The following PPP1R14A variants were observed in gnomAD, a reference collection of about 807,000 sequenced individuals.
The protein encoded by PPP1R14A is protein phosphatase 1 regulatory inhibitor subunit 14A.
In PPP1R14A, 9 loss-of-function variants were observed where a neutral mutation model predicts 14.1. The observed-to-expected ratio is 0.64, with a 90% CI of 0.38 to 1.11. The LOEUF (loss-of-function observed/expected upper bound fraction) is 1.11. Ranked by LOEUF, PPP1R14A falls within the 50% of genes most tolerant of loss-of-function variation. The pLI, the probability that PPP1R14A is intolerant of heterozygous loss-of-function variation, is 0.01. For missense variants in PPP1R14A, 208 were observed against 200.7 expected (o/e 1.04, Z -0.22); for synonymous variants, 93 against 88.7 (o/e 1.05, Z -0.27).
intron 1 of PPP1R14A, chr19:38,253,272 A>G (rs557129170): frequency 3.7e-4 from 130 of 353,384 alleles, no homozygotes; most frequent in Non-Finnish European, 5.0e-4. Context: ...CACAGAGGAA[A>G]ACAGGCCTAG....
In PPP1R14A at chr19:38,256,365, C is replaced by A; in HGVS notation, c.-26G>T. The A allele has an allele frequency of 7.2e-7, 1 of 1,396,500 alleles. No homozygotes were observed. The highest frequency in any genetic ancestry group is 9.2e-7 in the Non-Finnish European group (1 of 1,082,680). The allele number at this position is 1,396,500 out of a possible 1,614,324, so 86.5% of individuals were successfully genotyped here. On this transcript the variant is annotated 5_prime_UTR_variant, in exon 1 of 4. Coordinates refer to ENST00000301242, the MANE Select transcript of PPP1R14A (RefSeq NM_033256.3). This position sits in a 1 kb window ranked among gnomAD's most constrained non-coding sequence, Gnocchi z 5.7. ...CGCGCTGCTGGACCCAGCCTGGCCC[C>A]GCGCTGTGCGCCTTCGCCTCGCGCC... is the stretch of plus-strand genomic sequence containing the variant.
chr19:38,251,871 T>C, intron 3 of PPP1R14A: 1 of 322,444 alleles, frequency 3.1e-6, no homozygotes, highest in Non-Finnish European at 5.7e-6. Flanking sequence ...TGGAGAAACA[T>C]GAATAGTTTT....
chr19:38,253,076 C>T (rs952522392), intron 1 of PPP1R14A, 102 bp from the exon 2 acceptor site: 16 of 888,444 alleles, frequency 1.8e-5, no homozygotes, highest in African/African-American at 3.3e-5. Flanking sequence ...GCCCAGCTGG[C>T]GGGTTCTGGA....
chr19:38,253,007 C>T, intron 1 of PPP1R14A, 33 bp from the exon 2 acceptor site: 1 of 1,525,194 alleles, frequency 6.6e-7, no homozygotes, highest in Non-Finnish European at 9.1e-7. Context: ...GCTTAGGATC[C>T]CCTTCCCTCC....
intron 1 of PPP1R14A, among the ~76,000 whole-genome samples, chr19:38,255,031 G>C (rs1968231294): frequency 6.6e-6 from 1 of 151,600 alleles, no homozygotes; most frequent in Admixed American, 6.6e-5. Context: ...TGATCCGCCC[G>C]CCTCGGCCTC....
chr19:38,252,202 G>A lies in PPP1R14A; in HGVS notation c.315+104C>T. On this transcript the variant is annotated intron_variant, in intron 3 of 3. Coordinates refer to ENST00000301242, the MANE Select transcript of PPP1R14A (RefSeq NM_033256.3). The surrounding 1 kb of genome is among the most constrained non-coding windows in gnomAD (Gnocchi z 4.1). ...GGCAGGTTGGGGCCGGGGGTGGTGG[G>A]GCCGGGTGGTGTTCCCCAGAGACCC... 3 of 1,146,984 alleles carry A rather than the reference G, an allele frequency of 2.6e-6. No homozygotes were observed. The highest frequency in any genetic ancestry group is 4.0e-5 in the Admixed American group (2 of 49,982). 71.1% of individuals were successfully genotyped at this position (1,146,984 alleles called of 1,614,324 possible).
At position 38,256,358 on chromosome 19, in the gene PPP1R14A, C is replaced by A; in HGVS notation, c.-19G>T. 1 of 1,433,158 alleles carries A rather than the reference C, an allele frequency of 7.0e-7. No homozygotes were observed. The highest frequency in any genetic ancestry group is 9.1e-7 in the Non-Finnish European group (1 of 1,099,898). The allele number at this position is 1,433,158 out of a possible 1,614,324, so 88.8% of individuals were successfully genotyped here. ...CTGCCATCGCGCTGCTGGACCCAGC[C>A]TGGCCCCGCGCTGTGCGCCTTCGCC... On this transcript the variant is annotated 5_prime_UTR_variant, in exon 1 of 4. The change creates a new upstream start codon in the 5' untranslated region. Coordinates refer to ENST00000301242, the MANE Select transcript of PPP1R14A (RefSeq NM_033256.3). This position sits in a 1 kb window ranked among gnomAD's most constrained non-coding sequence, Gnocchi z 5.7.
At position 38,251,250 on chromosome 19, in the gene PPP1R14A, A is replaced by G. The variant is rs1331343704; in HGVS notation, c.*68T>C. 3 of 1,336,438 alleles carry G rather than the reference A, an allele frequency of 2.2e-6. No homozygotes were observed. The highest frequency in any genetic ancestry group is 6.2e-5 in the East Asian group (2 of 32,260). 82.8% of individuals were successfully genotyped at this position (1,336,438 alleles called of 1,614,324 possible). ...AGCCACACAGTGTTATTGTTACAGA[A>G]CCATTAAATACAACTTATACACAAG... is the stretch of plus-strand genomic sequence containing the variant. On this transcript the variant is annotated 3_prime_UTR_variant, in exon 4 of 4. Coordinates refer to ENST00000301242, the MANE Select transcript of PPP1R14A (RefSeq NM_033256.3).
In PPP1R14A at chr19:38,252,444, G is replaced by T; in HGVS notation, c.283-106C>A. The T allele has an allele frequency of 8.7e-7, 1 of 1,150,742 alleles. No individual in the cohort carries two copies. Among genetic ancestry groups the T allele is most frequent in the Non-Finnish European group, 1.3e-6 (1 of 786,996 alleles). 71.3% of individuals were successfully genotyped at this position (1,150,742 alleles called of 1,614,324 possible). On this transcript the variant is annotated intron_variant, in intron 2 of 3. Transcript: ENST00000301242. This position sits in a 1 kb window ranked among gnomAD's most constrained non-coding sequence, Gnocchi z 4.1. ...GGCCCCAGCAGCAAGACAAATGGAA[G>T]TCAGACTCCAGGGTGGACTGCCCAC...
At chr19:38,254,909 G>A (rs902028500) in intron 1 of PPP1R14A, among the ~76,000 whole-genome samples, 1 of 151,422 alleles carries the variant, frequency 6.6e-6, no homozygotes, top group Admixed American at 6.6e-5. Context: ...TTCTCCTCCC[G>A]AGTAGCTGGG....
chr19:38,251,441 G>T lies in PPP1R14A; in HGVS notation c.321C>A (p.Phe107Leu). The change falls in exon 4 of 4, where the codon TTC becomes TTA. Residue 107 changes from phenylalanine (F) to leucine (L), a missense_variant. Coordinates refer to ENST00000301242, the MANE Select transcript of PPP1R14A (RefSeq NM_033256.3). ...GAAGCTTTGCCAGCAGCTCCTGGAT[G>T]AAGTCCTGAGACAGGGTGGGGGAGC... is the stretch of plus-strand genomic sequence containing the variant. ...LKSCGKPVED[F>L]IQELLAKLQG... 6.4e-7 allele frequency: 1 copy of T among 1,568,994 alleles called. No homozygotes were observed.
Position 38,251,260 on chromosome 19 carries a change from A to T in PPP1R14A, c.*58T>A, listed in dbSNP as rs777623514. 2 of 1,370,706 alleles carry T rather than the reference A, an allele frequency of 1.5e-6. No homozygotes were observed. The highest frequency in any genetic ancestry group is 8.1e-5 in the Admixed American group (2 of 24,678). 84.9% of individuals were successfully genotyped at this position (1,370,706 alleles called of 1,614,324 possible). ...TGTTATTGTTACAGAACCATTAAATACAACTTATACACAAGCAAGCTGGGC... is the reference window on the plus strand; with the variant it reads ...TGTTATTGTTACAGAACCATTAAATTCAACTTATACACAAGCAAGCTGGGC... On this transcript the variant is annotated 3_prime_UTR_variant, in exon 4 of 4. Coordinates refer to ENST00000301242, the MANE Select transcript of PPP1R14A (RefSeq NM_033256.3).
chr19:38,251,459 G>GT lies in PPP1R14A; in HGVS notation c.316-14_316-13insA. 6.4e-7 allele frequency: 1 copy of GT among 1,559,750 alleles called. No homozygotes were observed. Among genetic ancestry groups the GT allele is most frequent in the Non-Finnish European group, 8.6e-7 (1 of 1,162,010 alleles). Reference sequence around the variant, plus strand: ...CCTGGATGAAGTCCTGAGACAGGGTGGGGGAGCTGAGAACATGGGAACAGT... The same window carrying GT: ...CCTGGATGAAGTCCTGAGACAGGGTGTGGGGAGCTGAGAACATGGGAACAGT... On this transcript the variant is annotated splice_polypyrimidine_tract_variant and intron_variant, in intron 3 of 3. Coordinates refer to ENST00000301242, the MANE Select transcript of PPP1R14A (RefSeq NM_033256.3).
At chr19:38,255,417 A>G (rs1043059120) in intron 1 of PPP1R14A, among the ~76,000 whole-genome samples, 2 of 152,158 alleles carry the variant, frequency 1.3e-5, no homozygotes, top group African/African-American at 4.8e-5. Context: ...TGCTGGGCCA[A>G]TTTCTGTTGT....
At position 38,251,248 on chromosome 19, in the gene PPP1R14A, G is replaced by C; in HGVS notation, c.*70C>G. 3.0e-6 allele frequency: 4 copies of C among 1,331,666 alleles called. No homozygotes were observed. Among genetic ancestry groups the C allele is most frequent in the Non-Finnish European group, 3.9e-6 (4 of 1,033,726 alleles). 82.5% of individuals were successfully genotyped at this position (1,331,666 alleles called of 1,614,324 possible). ...ACAGCCACACAGTGTTATTGTTACA[G>C]AACCATTAAATACAACTTATACACA... On this transcript the variant is annotated 3_prime_UTR_variant, in exon 4 of 4. Transcript: ENST00000301242.
At position 38,252,774 on chromosome 19, in the gene PPP1R14A, A is replaced by C; in HGVS notation, c.282+120T>G. The C allele has an allele frequency of 1.3e-6, 1 of 787,974 alleles. No individual in the cohort carries two copies. Among genetic ancestry groups the C allele is most frequent in the South Asian group, 1.5e-5 (1 of 67,770 alleles). The allele number at this position is 787,974 out of a possible 1,614,324, so 48.8% of individuals were successfully genotyped here. On this transcript the variant is annotated intron_variant, in intron 2 of 3. Coordinates refer to ENST00000301242, the MANE Select transcript of PPP1R14A (RefSeq NM_033256.3). The surrounding 1 kb of genome is among the most constrained non-coding windows in gnomAD (Gnocchi z 4.1). ...TTGTGAGGGTTAAGTGAGTGAATAC[A>C]TGTAAAGCCATCACACCAGTGCCCG...
intron 1 of PPP1R14A, chr19:38,253,322 A>G (rs12976534): frequency 0.48 from 104,677 of 217,736 alleles, 26,881 homozygotes; most frequent in East Asian, 0.71. Flanking sequence ...TCGGGAGAGG[A>G]GCTGGCTTCT....
At chr19:38,251,632 G>T (rs771121682) in intron 3 of PPP1R14A, among the ~76,000 whole-genome samples, 186 bp from the exon 4 acceptor site, 3 of 152,044 alleles carry the variant, frequency 2.0e-5, no homozygotes, top group Non-Finnish European at 4.4e-5. Context: ...ATGGGGAAAG[G>T]GCGATGGGAG....
chr19:38,256,083 C>T lies in PPP1R14A; in HGVS notation c.201+56G>A. On this transcript the variant is annotated intron_variant, in intron 1 of 3. Coordinates refer to ENST00000301242, the MANE Select transcript of PPP1R14A (RefSeq NM_033256.3). This position sits in a 1 kb window ranked among gnomAD's most constrained non-coding sequence, Gnocchi z 5.7. ...CACCGAGACCCCAAGGGCGTGGGGT[C>T]TCCGCGCCCGGGCTCTATCTGTCCC... is the stretch of plus-strand genomic sequence containing the variant. 1.4e-6 allele frequency: 2 copies of T among 1,471,472 alleles called. No individual in the cohort carries two copies. Among genetic ancestry groups the T allele is most frequent in the Non-Finnish European group, 1.8e-6 (2 of 1,104,706 alleles). The allele number at this position is 1,471,472 out of a possible 1,614,324, so 91.2% of individuals were successfully genotyped here.
Sources: gnomAD v4.1 joint callset for allele counts (sites outside exome capture counted in the v4.1 genomes callset) on GRCh38, gnomAD v4.1.1 for gene constraint, Gnocchi (gnomAD v3.1) non-coding constraint, MANE v1.5 for transcripts, NCBI Gene and HGNC (gene_info 2026-07-23, HGNC 2026-07-21) for gene names.